Variants in ATM observed in about 807,000 individuals in gnomAD.
ATM encodes ATM serine/threonine kinase.
In ATM, 308 loss-of-function variants were observed where a neutral mutation model predicts 387.0. The ratio of observed to expected loss-of-function variants is 0.80; its 90% CI spans 0.73 to 0.87. The LOEUF (loss-of-function observed/expected upper bound fraction) is 0.87. ATM is among the 40% of genes least tolerant of loss of function. ATM has a pLI of 0.00. For synonymous variants in ATM, 1,156 were observed against 1,187.3 expected, an observed-to-expected ratio of 0.97 and a Z score of 0.54; for missense variants, 3,312 against 3,560.9, an observed-to-expected ratio of 0.93 and a Z score of 1.78.
In ATM at chr11:108,347,386, A is replaced by G. The variant is rs1453082159; in HGVS notation, c.8671+21A>G. On this transcript the variant is annotated intron_variant, in intron 59 of 62. Coordinates refer to ENST00000675843, the MANE Select transcript of ATM (RefSeq NM_000051.4). ...TCTAGGTAAGTAATAAAATCTATGT[A>G]TCTATTCTTTTTAGTAAATATTTGG... The G allele has an allele frequency of 1.7e-5, 26 of 1,528,246 alleles. No homozygotes were observed. In the Admixed American group the frequency reaches 3.9e-4, roughly 23 times the overall value. The allele number at this position is 1,528,246 out of a possible 1,614,324, so 94.7% of individuals were successfully genotyped here.
At chr11:108,249,194 C>G in intron 9 of ATM, 92 bp downstream of exon 9, 1 of 1,425,036 alleles carries the variant, frequency 7.0e-7, no homozygotes, top group South Asian at 1.2e-5. Flanking sequence ...TCATCTCAAC[C>G]AGAACTAAGT....
intron 16 of ATM, among the ~76,000 whole-genome samples, chr11:108,264,380 A>C (rs1014736169): frequency 1.1e-4 from 17 of 152,300 alleles, no homozygotes; most frequent in East Asian, 1.9e-4. Flanking sequence ...AAGACAAAAA[A>C]CACATGATTA....
intron 16 of ATM, among the ~76,000 whole-genome samples, chr11:108,262,950 TGCACCCACTACAGGA>T (rs2080994518): frequency 6.6e-6 from 1 of 151,694 alleles, no homozygotes; most frequent in Non-Finnish European, 1.5e-5. Flanking sequence ...TAAATATATA[TGCACCCACTACAGGA>T]GCACCCAGAT....
chr11:108,233,638 G>A (rs1354306010), intron 4 of ATM, among the ~76,000 whole-genome samples: 3 of 149,200 alleles, frequency 2.0e-5, no homozygotes, highest in Non-Finnish European at 4.4e-5. Context: ...TTTGATCCCA[G>A]AAGTTTGAGA....
intron 45 of ATM, among the ~76,000 whole-genome samples, chr11:108,321,647 G>T (rs947574822): frequency 6.6e-6 from 1 of 152,046 alleles, no homozygotes; most frequent in African/African-American, 2.4e-5. Flanking sequence ...GCCAGGTATG[G>T]TGGTGGGCGC....
intron 61 of ATM, among the ~76,000 whole-genome samples, chr11:108,361,408 A>C (rs1228960013): frequency 1.3e-5 from 2 of 151,842 alleles, no homozygotes; most frequent in African/African-American, 2.4e-5. Context: ...ATCCCCATCA[A>C]GCTACCAATG....
At chr11:108,301,529 A>C in intron 34 of ATM, 119 bp from the exon 35 acceptor site, 1 of 1,246,108 alleles carries the variant, frequency 8.0e-7, no homozygotes, top group Non-Finnish European at 1.1e-6. Flanking sequence ...AATTTTGTAA[A>C]TGTAAAGTTT....
intron 13 of ATM, among the ~76,000 whole-genome samples, chr11:108,255,693 TG>T (rs1453737423): frequency 2.6e-5 from 4 of 152,168 alleles, no homozygotes; most frequent in African/African-American, 9.7e-5. Context: ...CCCAAAGTGT[TG>T]GGGTTGTAGG....
At chr11:108,358,256 A>G (rs965470554) in intron 61 of ATM, among the ~76,000 whole-genome samples, 12 of 150,150 alleles carry the variant, frequency 8.0e-5, no homozygotes, top group African/African-American at 2.7e-4. Context: ...AAAAGAATAA[A>G]AAGAAATGAG....
At chr11:108,281,210 A>G in intron 24 of ATM, 42 bp downstream of exon 24, 1 of 1,587,762 alleles carries the variant, frequency 6.3e-7, no homozygotes, top group South Asian at 1.1e-5. Flanking sequence ...TCCTTAGGTC[A>G]CTGTGAAATA....
intron 8 of ATM, among the ~76,000 whole-genome samples, chr11:108,248,029 C>T (rs1333654868): frequency 6.6e-6 from 1 of 152,118 alleles, no homozygotes; most frequent in African/African-American, 2.4e-5. Context: ...TGGGACAGTT[C>T]GTTTAAATGG....
chr11:108,343,344 T>C lies in ATM; in HGVS notation c.8391T>C (p.Ser2797=), dbSNP rs566485657. 56 of 1,613,958 alleles carry C rather than the reference T, an allele frequency of 3.5e-5. No homozygotes were observed. The East Asian group carries it at 1.1e-3, about 32-fold the overall frequency. The change falls in exon 57 of 63, where the codon AGT becomes AGC. Residue 2797 remains serine (S), a synonymous_variant. Coordinates refer to ENST00000675843, the MANE Select transcript of ATM (RefSeq NM_000051.4). ...AAAGATACAGGCCAAATGATTTCAG[T>C]GCCTTTCAGTGCCAAAAGAAAATGA... ...AHKRYRPNDF[S]AFQCQKKMME...
chr11:108,285,695 A>G (rs2135719914), intron 26 of ATM, among the ~76,000 whole-genome samples: 2 of 152,176 alleles, frequency 1.3e-5, no homozygotes, highest in South Asian at 4.1e-4. Flanking sequence ...GGACCTATTC[A>G]GAACTGGTTG....
chr11:108,357,215 C>A (rs1186547977), intron 61 of ATM, among the ~76,000 whole-genome samples: 2 of 152,190 alleles, frequency 1.3e-5, no homozygotes, highest in Non-Finnish European at 2.9e-5. Flanking sequence ...TCACTCCCAC[C>A]CGAATATTGC....
intron 45 of ATM, 45 bp from the exon 46 acceptor site, chr11:108,325,265 T>TTTAA: frequency 2.7e-6 from 3 of 1,100,004 alleles, no homozygotes; most frequent in Non-Finnish European, 3.9e-6. Flanking sequence ...TTTTTTTTTT[T>TTTAA]TTTCATTTCT....
intron 52 of ATM, 61 bp from the exon 53 acceptor site, chr11:108,332,701 C>A (rs1414257483): frequency 3.9e-6 from 6 of 1,551,318 alleles, no homozygotes; most frequent in Non-Finnish European, 4.4e-6. Flanking sequence ...GTTTTTCTAA[C>A]TCTGAGAAGT....
intron 16 of ATM, among the ~76,000 whole-genome samples, chr11:108,261,122 A>G (rs372163827): frequency 2.6e-5 from 4 of 152,214 alleles, no homozygotes; most frequent in Non-Finnish European, 4.4e-5. Context: ...AGCTCGAACT[A>G]GGTGGAGCCC....
chr11:108,268,304 C>T, intron 17 of ATM, 106 bp from the exon 18 acceptor site: 1 of 1,036,706 alleles, frequency 9.6e-7, no homozygotes, highest in Non-Finnish European at 1.5e-6. Flanking sequence ...TATAATTTTG[C>T]TTTTCATATA....
In ATM at chr11:108,272,608, G is replaced by A. The variant is rs2081646501; in HGVS notation, c.3153+1G>A. On this transcript the variant is annotated splice_donor_variant, in intron 21 of 62. Transcript: ENST00000675843. LOFTEE classifies it high-confidence loss of function. Reference sequence around the variant, plus strand: ...AAATTGCCTTAAAACTTTGCTTGAGGTGAGTTTTTGCATTTTTTTAGTAAG... The same window carrying A: ...AAATTGCCTTAAAACTTTGCTTGAGATGAGTTTTTGCATTTTTTTAGTAAG... 1 of 1,613,512 alleles carries A rather than the reference G, an allele frequency of 6.2e-7. No individual in the cohort carries two copies. The highest frequency in any genetic ancestry group is 8.5e-7 in the Non-Finnish European group (1 of 1,179,548).
Sources: gnomAD v4.1 joint callset for allele counts (sites outside exome capture counted in the v4.1 genomes callset) on GRCh38, gnomAD v4.1.1 for gene constraint, MANE v1.5 for transcripts, NCBI Gene and HGNC (gene_info 2026-07-23, HGNC 2026-07-21) for gene names.